Variants in ERC2 observed in about 807,000 individuals in gnomAD.
ERC2 encodes the protein ERC protein 2.
A neutral mutation model predicts 114.8 loss-of-function variants in ERC2; 42 were observed. The observed-to-expected ratio is 0.37, with a 90% CI of 0.29 to 0.47. The LOEUF (loss-of-function observed/expected upper bound fraction) is 0.47. ERC2 is among the 20% of genes least tolerant of loss of function. The pLI, the probability that ERC2 is intolerant of heterozygous loss-of-function variation, is 0.99. For missense variants in ERC2, 939 were observed against 1,150.7 expected (o/e 0.82, Z 2.66); for synonymous variants, 454 against 425.5 (o/e 1.07, Z -0.82).
intron 14 of ERC2, among the ~76,000 whole-genome samples, chr3:55,792,043 G>A (rs2070076170): frequency 6.6e-6 from 1 of 152,128 alleles, no homozygotes. Flanking sequence ...TAAAATACAT[G>A]TCAAACAAAA....
At chr3:55,760,422 A>G in intron 14 of ERC2, among the ~76,000 whole-genome samples, 1 of 152,180 alleles carries the variant, frequency 6.6e-6, no homozygotes, top group East Asian at 1.9e-4. Context: ...TTTGCTGCAT[A>G]TAGAGGCAGA....
chr3:55,804,806 T>C (rs1167848342), intron 14 of ERC2, among the ~76,000 whole-genome samples: 1 of 152,028 alleles, frequency 6.6e-6, no homozygotes, highest in Admixed American at 6.6e-5. Flanking sequence ...TCAGTCCGAG[T>C]TGGTTTTATT....
At chr3:55,708,480 C>G (rs1180267619) in intron 15 of ERC2, among the ~76,000 whole-genome samples, 1 of 152,212 alleles carries the variant, frequency 6.6e-6, no homozygotes, top group Non-Finnish European at 1.5e-5. Flanking sequence ...CCTCTTCATT[C>G]ATTTATCTTA....
At chr3:56,273,360 C>A (rs2053786319) in intron 3 of ERC2, among the ~76,000 whole-genome samples, 1 of 150,090 alleles carries the variant, frequency 6.7e-6, no homozygotes, top group Admixed American at 6.7e-5. Flanking sequence ...CTCAAGCAAT[C>A]CACCCATCAC....
intron 12 of ERC2, among the ~76,000 whole-genome samples, chr3:55,952,166 C>CT (rs1159931712): frequency 0.22 from 18,766 of 86,950 alleles, 3,377 homozygotes; most frequent in Middle Eastern, 0.29. Flanking sequence ...CACACACACA[C>CT]ACACACACAC....
At position 56,042,362 on chromosome 3, in the gene ERC2, C is replaced by T. The variant is rs184398506; in HGVS notation, c.1642-23331G>A. 3.9e-5 allele frequency among the ~76,000 whole-genome samples: 6 copies of T among 152,306 alleles called. No homozygotes were observed. The East Asian group carries it at 1.2e-3, about 29-fold the overall frequency. ...CCAAACACAAAGCGAAGAAGAGGAGCTTCCTAATACCACTAAGATCTGCAT... is the reference window on the plus strand; with the variant it reads ...CCAAACACAAAGCGAAGAAGAGGAGTTTCCTAATACCACTAAGATCTGCAT... On this transcript the variant is annotated intron_variant, in intron 7 of 17. Coordinates refer to ENST00000288221, the MANE Select transcript of ERC2 (RefSeq NM_015576.3).
chr3:55,527,293 T>C (rs1041207272), intron 17 of ERC2, among the ~76,000 whole-genome samples: 7 of 152,210 alleles, frequency 4.6e-5, no homozygotes, highest in African/African-American at 1.7e-4. Flanking sequence ...AGAAATAGCA[T>C]AGACCAGACA....
At chr3:55,678,484 G>T (rs998033361) in intron 17 of ERC2, among the ~76,000 whole-genome samples, 3 of 152,052 alleles carry the variant, frequency 2.0e-5, no homozygotes, top group Non-Finnish European at 4.4e-5. Context: ...CAACTCTGGG[G>T]TTTTTGTTTT....
At chr3:56,232,948 C>T (rs1412786195) in intron 3 of ERC2, among the ~76,000 whole-genome samples, 1 of 152,228 alleles carries the variant, frequency 6.6e-6, no homozygotes, top group Non-Finnish European at 1.5e-5. Context: ...CCAAAAATCA[C>T]TTCCTCGAAA....
chr3:55,919,420 T>C (rs765929824), intron 13 of ERC2, among the ~76,000 whole-genome samples: 8 of 152,144 alleles, frequency 5.3e-5, no homozygotes, highest in African/African-American at 1.7e-4. Context: ...TGGAGCGCTA[T>C]GCAGCAATGA....
chr3:56,337,378 T>C (rs2057899255), intron 2 of ERC2, among the ~76,000 whole-genome samples: 1 of 152,190 alleles, frequency 6.6e-6, no homozygotes, highest in African/African-American at 2.4e-5. Flanking sequence ...GTCAAAGAGA[T>C]TGGACCCAGG....
intron 14 of ERC2, among the ~76,000 whole-genome samples, chr3:55,802,516 T>C (rs951076253): frequency 1.6e-4 from 24 of 152,178 alleles, no homozygotes; most frequent in African/African-American, 5.1e-4. Flanking sequence ...TTTGATAAAA[T>C]TGATACATAA....
At chr3:56,217,826 A>G (rs1481920807) in intron 3 of ERC2, among the ~76,000 whole-genome samples, 1 of 152,192 alleles carries the variant, frequency 6.6e-6, no homozygotes, top group African/African-American at 2.4e-5. Flanking sequence ...GCCCTCAGAA[A>G]TAATGCCACG....
chr3:55,673,324 C>T (rs9838182), intron 17 of ERC2, among the ~76,000 whole-genome samples: 10,902 of 152,258 alleles, frequency 0.072, 1,333 homozygotes, highest in African/African-American at 0.25. Flanking sequence ...GTGGCTTACG[C>T]CTGTAATCCC....
Position 55,871,995 on chromosome 3 carries a change from C to A in ERC2, c.2564+16394G>T, listed in dbSNP as rs73834036. On this transcript the variant is annotated intron_variant, in intron 14 of 17. Transcript: ENST00000288221. ...ATTTACAGATGAAATGACATAATAT[C>A]TTAGTTTTGCTTCAAAATAATCTAG... Among the ~76,000 whole-genome samples the A allele has an allele frequency of 8.6e-3, 1,312 of 152,088 alleles. 26 individuals carry two copies. Among genetic ancestry groups the A allele is most frequent in the African/African-American group, 0.03 (1,239 of 41,470 alleles).
chr3:56,048,266 C>G (rs192071757), intron 7 of ERC2, among the ~76,000 whole-genome samples: 1 of 152,238 alleles, frequency 6.6e-6, no homozygotes, highest in East Asian at 1.9e-4. Context: ...TCTCCCAGTG[C>G]CAGGCACTGT....
At chr3:56,456,408 T>C (rs567670230) in intron 1 of ERC2, among the ~76,000 whole-genome samples, 2 of 152,340 alleles carry the variant, frequency 1.3e-5, no homozygotes, top group Non-Finnish European at 2.9e-5. Context: ...TTTCTGAATA[T>C]GTACTTTTTA....
intron 13 of ERC2, among the ~76,000 whole-genome samples, chr3:55,916,731 C>T (rs1412125020): frequency 6.6e-6 from 1 of 152,118 alleles, no homozygotes; most frequent in Non-Finnish European, 1.5e-5. Context: ...CCAAGCCACA[C>T]TGTATATAAT....
chr3:56,386,329 A>G (rs1312358349), intron 2 of ERC2, among the ~76,000 whole-genome samples: 1 of 152,168 alleles, frequency 6.6e-6, no homozygotes, highest in Non-Finnish European at 1.5e-5. Flanking sequence ...CACTCCAAGC[A>G]TCCCAGATTT....
Sources: allele counts gnomAD v4.1 joint callset (sites outside exome capture counted in the v4.1 genomes callset), GRCh38; gene constraint gnomAD v4.1.1; transcripts MANE v1.5; gene names NCBI Gene and HGNC (gene_info 2026-07-23, HGNC 2026-07-21).